The following LRMDA variants were observed in gnomAD, a reference collection of about 807,000 sequenced individuals.
The protein encoded by LRMDA is leucine rich melanocyte differentiation associated, also known as leucine-rich melanocyte differentiation-associated protein.
In LRMDA, 18 loss-of-function variants were observed where a neutral mutation model predicts 29.8. The observed-to-expected ratio is 0.60, with a 90% CI of 0.42 to 0.90. LRMDA has a LOEUF of 0.90. Ranked by LOEUF, LRMDA falls within the 40% of genes least tolerant of loss-of-function variation. The pLI is 0.00. For missense variants in LRMDA, 273 were observed against 273.9 expected, an observed-to-expected ratio of 1.00 and a Z score of 0.02; for synonymous variants, 125 against 109.4, an observed-to-expected ratio of 1.14 and a Z score of -0.89.
At chr10:75,886,439 A>G (rs1027208166) in intron 2 of LRMDA, among the ~76,000 whole-genome samples, 1 of 152,196 alleles carries the variant, frequency 6.6e-6, no homozygotes, top group Non-Finnish European at 1.5e-5. Context: ...CTAGAAAGAA[A>G]CTAGGTGAAA....
At chr10:76,532,173 C>G (rs903274124) in intron 6 of LRMDA, among the ~76,000 whole-genome samples, 1 of 152,142 alleles carries the variant, frequency 6.6e-6, no homozygotes, top group African/African-American at 2.4e-5. Context: ...CTATCCCTCC[C>G]CTACTCCCAT....
chr10:75,863,492 A>T (rs1589233079), intron 2 of LRMDA, among the ~76,000 whole-genome samples: 2 of 152,210 alleles, frequency 1.3e-5, no homozygotes, highest in Non-Finnish European at 1.5e-5. Flanking sequence ...TTGGAGCCAC[A>T]CTACCTGGAC....
intron 2 of LRMDA, among the ~76,000 whole-genome samples, chr10:75,735,467 C>T (rs1564553209): frequency 6.6e-6 from 1 of 152,138 alleles, no homozygotes. Flanking sequence ...AACTAACTAA[C>T]AATCAGCAAC....
At chr10:76,276,903 G>A (rs538325688) in intron 5 of LRMDA, among the ~76,000 whole-genome samples, 2 of 152,076 alleles carry the variant, frequency 1.3e-5, no homozygotes, top group Non-Finnish European at 2.9e-5. Flanking sequence ...TGATCTGTCT[G>A]TGCCTGTACA....
At chr10:75,948,593 G>C (rs375238104) in intron 2 of LRMDA, among the ~76,000 whole-genome samples, 1 of 152,076 alleles carries the variant, frequency 6.6e-6, no homozygotes, top group African/African-American at 2.4e-5. Flanking sequence ...GTATGTTGGC[G>C]ACAGATTAAA....
chr10:75,725,843 G>A (rs1842625307), intron 2 of LRMDA, among the ~76,000 whole-genome samples: 1 of 152,172 alleles, frequency 6.6e-6, no homozygotes, highest in Non-Finnish European at 1.5e-5. Context: ...TATTATTCAA[G>A]CCTTTTTATT....
chr10:75,589,792 A>T (rs1189398011), intron 2 of LRMDA, among the ~76,000 whole-genome samples: 1 of 148,340 alleles, frequency 6.7e-6, no homozygotes, highest in Non-Finnish European at 1.5e-5. Context: ...AGAGAGAGAG[A>T]GTTTTTGGAG....
intron 6 of LRMDA, among the ~76,000 whole-genome samples, chr10:76,543,215 C>G (rs1019533660): frequency 6.6e-6 from 1 of 151,928 alleles, no homozygotes; most frequent in South Asian, 2.1e-4. Flanking sequence ...CCAGTGGTGT[C>G]GGGAGAGACA....
chr10:76,471,739 G>C (rs1842619370), intron 6 of LRMDA, among the ~76,000 whole-genome samples: 1 of 151,670 alleles, frequency 6.6e-6, no homozygotes, highest in African/African-American at 2.4e-5. Flanking sequence ...GATGTATCAT[G>C]CAAACAACAA....
chr10:76,513,726 C>T (rs1238022658), intron 6 of LRMDA, among the ~76,000 whole-genome samples: 3 of 152,168 alleles, frequency 2.0e-5, no homozygotes, highest in Admixed American at 6.5e-5. Context: ...TTCAAGTCTA[C>T]TTCTCATAAA....
chr10:76,320,102 C>T (rs988115755), intron 5 of LRMDA, among the ~76,000 whole-genome samples: 6 of 152,242 alleles, frequency 3.9e-5, no homozygotes, highest in African/African-American at 1.4e-4. Flanking sequence ...TGGTAATCAC[C>T]GAGTGAAATT....
intron 2 of LRMDA, among the ~76,000 whole-genome samples, chr10:75,912,041 ACT>A (rs780221228): frequency 6.6e-6 from 1 of 150,500 alleles, no homozygotes. Flanking sequence ...TGGATTAAAA[ACT>A]CTGTTATTTT....
chr10:75,758,469 T>G (rs1454827890), intron 2 of LRMDA, among the ~76,000 whole-genome samples: 2 of 152,208 alleles, frequency 1.3e-5, no homozygotes, highest in East Asian at 3.9e-4. Context: ...CCGTCAGCGT[T>G]GCTCAGTCCC....
intron 2 of LRMDA, among the ~76,000 whole-genome samples, chr10:75,657,031 G>A (rs972042409): frequency 3.3e-5 from 5 of 152,154 alleles, no homozygotes. Flanking sequence ...TTGAGAGGAA[G>A]GAGCATGGAA....
chr10:75,809,883 G>T (rs910837205), intron 2 of LRMDA, among the ~76,000 whole-genome samples: 1 of 152,200 alleles, frequency 6.6e-6, no homozygotes, highest in African/African-American at 2.4e-5. Flanking sequence ...AAATGAAAAT[G>T]CAGAGGTCCT....
At chr10:76,428,012 T>G (rs1842147933) in intron 6 of LRMDA, among the ~76,000 whole-genome samples, 2 of 152,194 alleles carry the variant, frequency 1.3e-5, no homozygotes, top group Admixed American at 1.3e-4. Flanking sequence ...TTGCCAGTAT[T>G]TTATTGAGGA....
intron 6 of LRMDA, among the ~76,000 whole-genome samples, chr10:76,461,731 C>G (rs1313908790): frequency 2.6e-5 from 4 of 152,056 alleles, no homozygotes; most frequent in Non-Finnish European, 2.9e-5. Flanking sequence ...AAGAAATTTC[C>G]TTGATACTCA....
intron 6 of LRMDA, among the ~76,000 whole-genome samples, chr10:76,524,818 A>C (rs1214839278): frequency 6.6e-6 from 1 of 152,244 alleles, no homozygotes. Context: ...GCTGAGACAC[A>C]GGAGAGCAAT....
intron 5 of LRMDA, among the ~76,000 whole-genome samples, chr10:76,082,821 C>T (rs1244469976): frequency 1.3e-5 from 2 of 152,114 alleles, no homozygotes; most frequent in Non-Finnish European, 1.5e-5. Flanking sequence ...CCAGCAAGTC[C>T]ACTCTAAGAT....
Sources: gnomAD v4.1 joint callset for allele counts (sites outside exome capture counted in the v4.1 genomes callset) on GRCh38, gnomAD v4.1.1 for gene constraint, MANE v1.5 for transcripts, NCBI Gene and HGNC (gene_info 2026-07-23, HGNC 2026-07-21) for gene names.